The following BCKDHB variants were observed in gnomAD, a reference collection of about 807,000 sequenced individuals.
BCKDHB encodes branched chain keto acid dehydrogenase E1 subunit beta.
A neutral mutation model predicts 48.5 loss-of-function variants in BCKDHB; 41 were observed. The ratio of observed to expected loss-of-function variants is 0.85; its 90% CI spans 0.66 to 1.10. The LOEUF is 1.10. BCKDHB is among the 50% of genes least tolerant of loss of function. BCKDHB has a pLI of 0.00. For synonymous variants in BCKDHB, 201 were observed against 174.8 expected (o/e 1.15, Z -1.18); for missense variants, 496 against 494.2 (o/e 1.00, Z -0.03).
chr6:80,177,252 A>C (rs923170802), intron 6 of BCKDHB, among the ~76,000 whole-genome samples: 2 of 144,724 alleles, frequency 1.4e-5, no homozygotes, highest in African/African-American at 5.2e-5. Flanking sequence ...AAAAAAAAAA[A>C]AAAGCAAAAC....
intron 1 of BCKDHB, among the ~76,000 whole-genome samples, chr6:80,111,730 T>C (rs991269426): frequency 6.6e-5 from 10 of 152,250 alleles, no homozygotes; most frequent in Non-Finnish European, 1.5e-4. Context: ...AACTAAAAAA[T>C]GTCTATGGTT....
At chr6:80,456,203 G>GA in the BCKDHB span, among the ~76,000 whole-genome samples, 1 of 150,192 alleles carries the variant, frequency 6.7e-6, no homozygotes, top group African/African-American at 2.4e-5. Context: ...GAACAAGAGC[G>GA]AAACTCCATC....
At chr6:80,453,995 T>C in the BCKDHB span, 1 of 152,224 alleles carries the variant, frequency 6.6e-6, no homozygotes, top group African/African-American at 2.4e-5. Context: ...TTTCTTCTTC[T>C]TTTAATGTTG....
chr6:80,127,891 G>A (rs1770428640), intron 2 of BCKDHB, among the ~76,000 whole-genome samples: 1 of 152,014 alleles, frequency 6.6e-6, no homozygotes. Flanking sequence ...AACCTGCTGT[G>A]TACTCCTGTT....
the BCKDHB span, among the ~76,000 whole-genome samples, chr6:80,423,678 C>CTCTGCTCTATTT: frequency 4.6e-5 from 7 of 152,292 alleles, no homozygotes; most frequent in African/African-American, 1.7e-4. Context: ...CTGCTCTATT[C>CTCTGCTCTATTT]TTGCTGAGTC....
chr6:80,390,227 C>T, the BCKDHB span, among the ~76,000 whole-genome samples: 11 of 152,110 alleles, frequency 7.2e-5, no homozygotes, highest in Admixed American at 6.6e-4. Flanking sequence ...TTACCATGCC[C>T]TGTGATTAAG....
chr6:80,433,421 C>T, the BCKDHB span, among the ~76,000 whole-genome samples: 135 of 152,278 alleles, frequency 8.9e-4, 1 homozygote, highest in African/African-American at 3.1e-3. Flanking sequence ...GTTGGCTCCA[C>T]CCAGTTCAAA....
the BCKDHB span, among the ~76,000 whole-genome samples, chr6:80,405,797 A>G: frequency 6.6e-6 from 1 of 152,164 alleles, no homozygotes; most frequent in Non-Finnish European, 1.5e-5. Flanking sequence ...GATAGCATAT[A>G]AAACATGAAA....
chr6:80,449,942 A>G, the BCKDHB span, among the ~76,000 whole-genome samples: 8 of 152,138 alleles, frequency 5.3e-5, no homozygotes, highest in South Asian at 2.1e-4. Context: ...AGCAATCTCA[A>G]TGGTGACTAA....
the BCKDHB span, among the ~76,000 whole-genome samples, chr6:80,358,509 A>G: frequency 6.6e-6 from 1 of 152,222 alleles, no homozygotes; most frequent in African/African-American, 2.4e-5. Flanking sequence ...TCTGGATTGT[A>G]GTGTATTCAC....
At chr6:80,307,933 C>T in intron 9 of BCKDHB, 2 of 967,720 alleles carry the variant, frequency 2.1e-6, no homozygotes, top group Non-Finnish European at 2.5e-6. Flanking sequence ...GGCTACTTTA[C>T]ATTTTATTCA....
intron 3 of BCKDHB, among the ~76,000 whole-genome samples, chr6:80,136,147 G>A (rs9448899): frequency 0.37 from 55,844 of 151,960 alleles, 12,265 homozygotes; most frequent in Admixed American, 0.56. Flanking sequence ...CAAATATTTG[G>A]TAGTGTCACT....
At chr6:80,304,103 C>G (rs182831339) in intron 9 of BCKDHB, among the ~76,000 whole-genome samples, 1 of 151,982 alleles carries the variant, frequency 6.6e-6, no homozygotes, top group Non-Finnish European at 1.5e-5. Context: ...TAGTTACATC[C>G]TGATAAAATC....
intron 8 of BCKDHB, among the ~76,000 whole-genome samples, chr6:80,224,181 G>A (rs1166615218): frequency 6.6e-6 from 1 of 152,082 alleles, no homozygotes; most frequent in Non-Finnish European, 1.5e-5. Flanking sequence ...GGTCTCAGTG[G>A]CTCCGTTTAG....
At chr6:80,333,483 C>T (rs925835703) in intron 9 of BCKDHB, among the ~76,000 whole-genome samples, 1 of 152,102 alleles carries the variant, frequency 6.6e-6, no homozygotes, top group Non-Finnish European at 1.5e-5. Flanking sequence ...GGCATATGGG[C>T]AAATACATTT....
At chr6:80,324,023 C>T (rs571585692) in intron 9 of BCKDHB, among the ~76,000 whole-genome samples, 23 of 152,248 alleles carry the variant, frequency 1.5e-4, no homozygotes, top group South Asian at 8.3e-4. Flanking sequence ...CCACCTGCCT[C>T]GGCCTCCCAA....
At chr6:80,454,381 G>A in the BCKDHB span, among the ~76,000 whole-genome samples, 5 of 152,124 alleles carry the variant, frequency 3.3e-5, no homozygotes, top group African/African-American at 1.2e-4. Context: ...AGTCACACTT[G>A]TTTTTTACTT....
chr6:80,121,840 C>T (rs1175654556), intron 1 of BCKDHB, among the ~76,000 whole-genome samples: 2 of 152,086 alleles, frequency 1.3e-5, no homozygotes, highest in Non-Finnish European at 2.9e-5. Context: ...ATTGAAAACC[C>T]TTTATTTGTT....
At chr6:80,421,985 A>G in the BCKDHB span, among the ~76,000 whole-genome samples, 3 of 152,232 alleles carry the variant, frequency 2.0e-5, no homozygotes, top group Non-Finnish European at 4.4e-5. Flanking sequence ...AATAAGGAGC[A>G]ATAAGTTAGT....
Sources: gnomAD v4.1 joint callset for allele counts (sites outside exome capture counted in the v4.1 genomes callset) on GRCh38, gnomAD v4.1.1 for gene constraint, MANE v1.5 for transcripts, NCBI Gene and HGNC (gene_info 2026-07-23, HGNC 2026-07-21) for gene names.